FBXL17: variants seen among roughly 807,000 people sequenced by gnomAD.
FBXL17 encodes the protein F-box/LRR-repeat protein 17.
In FBXL17, 22 loss-of-function variants were observed where a neutral mutation model predicts 66.2. The ratio of observed to expected loss-of-function variants is 0.33; its 90% confidence interval spans 0.24 to 0.47. The LOEUF (loss-of-function observed/expected upper bound fraction) is 0.47. FBXL17 is among the 20% of genes least tolerant of loss of function. The probability of loss-of-function intolerance (pLI) is 1.00; values close to 1 mark genes in which losing one functional copy is unlikely to be tolerated. For missense variants in FBXL17, 878 were observed against 948.2 expected, an observed-to-expected ratio of 0.93 and a Z score of 0.97; for synonymous variants, 474 against 400.5, an observed-to-expected ratio of 1.18 and a Z score of -2.19.
At chr5:108,080,968 G>A (rs1449840061) in intron 6 of FBXL17, among the ~76,000 whole-genome samples, 1 of 152,154 alleles carries the variant, frequency 6.6e-6, no homozygotes, top group Non-Finnish European at 1.5e-5. Context: ...GAAAGGGAAA[G>A]GGATTCTCTA....
intron 6 of FBXL17, among the ~76,000 whole-genome samples, chr5:108,183,306 T>C (rs547282238): frequency 1.1e-4 from 16 of 152,170 alleles, no homozygotes; most frequent in Admixed American, 2.0e-4. Context: ...CCCAAAGTGC[T>C]AGGCTTACAG....
In FBXL17 at chr5:108,166,891, T is replaced by A. The variant is rs922183143; in HGVS notation, c.1745+19226A>T. On this transcript the variant is annotated intron_variant, in intron 6 of 8. Transcript: ENST00000542267. ...ATTTGAATTTCACTGAATCTCCTAT[T>A]AATCCATTAGATGTGTAGGTGCAGA... 2.6e-5 allele frequency among the ~76,000 whole-genome samples: 4 copies of A among 152,358 alleles called. No individual in the cohort carries two copies. In the South Asian group the frequency reaches 8.3e-4, roughly 32 times the overall value.
At chr5:108,340,987 T>C (rs1344332391) in intron 4 of FBXL17, among the ~76,000 whole-genome samples, 2 of 152,308 alleles carry the variant, frequency 1.3e-5, no homozygotes, top group Non-Finnish European at 2.9e-5. Context: ...CTTAGTACCA[T>C]ATTGTATATA....
intron 1 of FBXL17, among the ~76,000 whole-genome samples, chr5:108,373,815 G>C (rs1368475611): frequency 6.6e-6 from 1 of 152,182 alleles, no homozygotes; most frequent in Non-Finnish European, 1.5e-5. Context: ...CTACATGGGA[G>C]GCTGAGGTTG....
At chr5:108,321,624 T>C (rs893943317) in intron 4 of FBXL17, among the ~76,000 whole-genome samples, 5 of 151,668 alleles carry the variant, frequency 3.3e-5, no homozygotes, top group African/African-American at 4.8e-5. Flanking sequence ...GATATTCCAT[T>C]CCATTCAAAA....
intron 7 of FBXL17, among the ~76,000 whole-genome samples, chr5:107,990,655 G>C (rs1007873074): frequency 5.9e-5 from 9 of 152,170 alleles, no homozygotes; most frequent in African/African-American, 1.4e-4. Flanking sequence ...AAACAGGGCT[G>C]GCATATAGCA....
chr5:107,972,393 C>T (rs1264385846), intron 7 of FBXL17, among the ~76,000 whole-genome samples: 1 of 152,080 alleles, frequency 6.6e-6, no homozygotes, highest in East Asian at 1.9e-4. Context: ...TTGTCTGGCT[C>T]GTTTCTACCA....
At chr5:107,984,411 G>T (rs1020661690) in intron 7 of FBXL17, among the ~76,000 whole-genome samples, 3 of 152,092 alleles carry the variant, frequency 2.0e-5, no homozygotes, top group Admixed American at 6.5e-5. Context: ...ATTAAAAAAG[G>T]TCTAGTCTCT....
intron 7 of FBXL17, among the ~76,000 whole-genome samples, chr5:107,885,918 A>G (rs1748952587): frequency 2.0e-5 from 3 of 150,100 alleles, no homozygotes; most frequent in South Asian, 2.1e-4. Flanking sequence ...GACTCTCTGA[A>G]CCATAATAAT....
At chr5:108,116,481 T>C (rs1210480474) in intron 6 of FBXL17, among the ~76,000 whole-genome samples, 1 of 115,730 alleles carries the variant, frequency 8.6e-6, no homozygotes, top group Non-Finnish European at 1.9e-5. Context: ...CTACTAAAAA[T>C]ACAAAAAAAA....
At position 108,001,961 on chromosome 5, in the gene FBXL17, GATCATT is replaced by G. The variant is rs567097610; in HGVS notation, c.1822+18958_1822+18963del. Among the ~76,000 whole-genome samples, 116 of 152,138 alleles carry G rather than the reference GATCATT, an allele frequency of 7.6e-4. 2 individuals carry two copies. The Middle Eastern group carries it at 0.014, about 18-fold the overall frequency. The stretch of plus-strand genomic sequence containing the variant: ...AATAAAAAAAGACATGCAAAAATAT[GATCATT>G]ACCTTGCAAGTGAGTATTTTCAAAT... On this transcript the variant is annotated intron_variant, in intron 7 of 8. Transcript: ENST00000542267.
At chr5:108,154,606 AAT>A (rs1204231735) in intron 6 of FBXL17, among the ~76,000 whole-genome samples, 1,254 of 96,644 alleles carry the variant, frequency 0.013, 46 homozygotes, top group African/African-American at 0.052. Context: ...AAAAAAAAAA[AAT>A]ATATATATAC....
intron 4 of FBXL17, among the ~76,000 whole-genome samples, chr5:108,305,692 T>C (rs1488242865): frequency 6.6e-6 from 1 of 152,104 alleles, no homozygotes; most frequent in African/African-American, 2.4e-5. Flanking sequence ...GTTTTGGGCA[T>C]GCTCAGTTTG....
At chr5:108,350,697 A>G (rs1483117749) in intron 3 of FBXL17, among the ~76,000 whole-genome samples, 1 of 152,226 alleles carries the variant, frequency 6.6e-6, no homozygotes, top group Non-Finnish European at 1.5e-5. Flanking sequence ...CTGAAGATAA[A>G]TTATTTCTAA....
chr5:108,255,045 G>A (rs998765287), intron 4 of FBXL17, among the ~76,000 whole-genome samples: 1 of 152,114 alleles, frequency 6.6e-6, no homozygotes, highest in Non-Finnish European at 1.5e-5. Flanking sequence ...AGAGCATTAA[G>A]TAAGTATTAT....
At chr5:108,355,866 T>C (rs1183714183) in intron 3 of FBXL17, among the ~76,000 whole-genome samples, 1 of 152,262 alleles carries the variant, frequency 6.6e-6, no homozygotes, top group Non-Finnish European at 1.5e-5. Context: ...ACGGATATGG[T>C]AGATATTAAT....
chr5:107,928,947 A>C (rs1750629042), intron 7 of FBXL17, among the ~76,000 whole-genome samples: 1 of 152,168 alleles, frequency 6.6e-6, no homozygotes, highest in Non-Finnish European at 1.5e-5. Flanking sequence ...AACTGACACC[A>C]TAAAAAAGAA....
intron 7 of FBXL17, among the ~76,000 whole-genome samples, chr5:107,940,473 G>A (rs1034271303): frequency 6.6e-6 from 1 of 152,160 alleles, no homozygotes; most frequent in Non-Finnish European, 1.5e-5. Flanking sequence ...ATCAGGGAAG[G>A]CTTGTTAAAT....
chr5:107,935,068 G>C (rs1349939252), intron 7 of FBXL17, among the ~76,000 whole-genome samples: 13 of 148,772 alleles, frequency 8.7e-5, no homozygotes, highest in Admixed American at 8.7e-4. Flanking sequence ...GGTATCTTTT[G>C]TTTTTTTTTT....
Sources: gnomAD v4.1 joint callset for allele counts (sites outside exome capture counted in the v4.1 genomes callset) on GRCh38, gnomAD v4.1.1 for gene constraint, MANE v1.5 for transcripts, NCBI Gene and HGNC (gene_info 2026-07-23, HGNC 2026-07-21) for gene names.